LDLRAD4: variants seen among roughly 807,000 people sequenced by gnomAD.
The protein encoded by LDLRAD4 is low density lipoprotein receptor class A domain containing 4.
In LDLRAD4, 5 loss-of-function variants were observed where a neutral mutation model predicts 17.0. That is an observed-to-expected ratio of 0.29 (90% CI 0.15 to 0.62). The LOEUF (loss-of-function observed/expected upper bound fraction) is 0.62, where lower values mean the gene tolerates loss of function less well. LDLRAD4 is among the 20% of genes least tolerant of loss of function. The pLI is 0.84. For synonymous variants in LDLRAD4, 168 were observed against 171.8 expected, an observed-to-expected ratio of 0.98 and a Z score of 0.17; for missense variants, 340 against 424.7, an observed-to-expected ratio of 0.80 and a Z score of 1.75.
intron 3 of LDLRAD4, among the ~76,000 whole-genome samples, chr18:13,560,699 C>T (rs893512539): frequency 3.3e-5 from 5 of 152,226 alleles, no homozygotes; most frequent in African/African-American, 1.2e-4. Context: ...AAAGGATCTG[C>T]TGAGCTCAAG....
At chr18:13,457,415 T>C (rs1271587880) in intron 3 of LDLRAD4, among the ~76,000 whole-genome samples, 1 of 152,190 alleles carries the variant, frequency 6.6e-6, no homozygotes, top group Non-Finnish European at 1.5e-5. Context: ...CCCTGAACCC[T>C]GTCCTCTTGG....
At chr18:13,382,749 T>A (rs531132512) in intron 1 of LDLRAD4, 1 of 152,290 alleles carries the variant, frequency 6.6e-6, no homozygotes, top group Non-Finnish European at 1.5e-5. Context: ...CTTCCTGTAT[T>A]CCCCCCTCTC....
At chr18:13,368,979 C>T (rs1361835626) in intron 1 of LDLRAD4, among the ~76,000 whole-genome samples, 1 of 152,214 alleles carries the variant, frequency 6.6e-6, no homozygotes, top group Non-Finnish European at 1.5e-5. Context: ...GCTGGGATTA[C>T]AGGTGTGAGC....
chr18:13,482,728 C>T (rs1047694774), intron 3 of LDLRAD4, among the ~76,000 whole-genome samples: 1 of 152,152 alleles, frequency 6.6e-6, no homozygotes, highest in Non-Finnish European at 1.5e-5. Flanking sequence ...CCTATGGGCC[C>T]TGGGGGAGGT....
rs201435803 is a variant in LDLRAD4, at chr18:13,359,157, G to GA, written c.-382-28184_-382-28183insA. Among the ~76,000 whole-genome samples, 823 of 152,288 alleles carry GA rather than the reference G, an allele frequency of 5.4e-3. 7 individuals carry two copies. The highest frequency in any genetic ancestry group is 0.019 in the African/African-American group (786 of 41,556). ...CAACCTGTGCTCAGCCTCAGGCTTTGTGCACAAGGACAGGCATTGACACAC... is the reference window on the plus strand; with the variant it reads ...CAACCTGTGCTCAGCCTCAGGCTTTGATGCACAAGGACAGGCATTGACACAC... On this transcript the variant is annotated intron_variant, in intron 1 of 5. Transcript: ENST00000359446.
At chr18:13,376,389 G>A (rs118077044) in intron 1 of LDLRAD4, among the ~76,000 whole-genome samples, 1 of 152,188 alleles carries the variant, frequency 6.6e-6, no homozygotes, top group Non-Finnish European at 1.5e-5. Flanking sequence ...AGGCCTCTCA[G>A]AGCCTGTGCA....
chr18:13,435,685 T>A (rs2090607827), intron 2 of LDLRAD4, among the ~76,000 whole-genome samples: 1 of 152,232 alleles, frequency 6.6e-6, no homozygotes, highest in Non-Finnish European at 1.5e-5. Flanking sequence ...TGGACTCAAA[T>A]GATCCTCCTG....
In LDLRAD4 at chr18:13,609,526, TGTGC is replaced by T. The variant is rs1455755866; in HGVS notation, c.182-11587_182-11584del. ...CAGGAGCGCTCATTATGCGTGTGTGTGTGCGTGTGTGTGTGTGTGTGTGTGTGTG... is the reference window on the plus strand; with the variant it reads ...CAGGAGCGCTCATTATGCGTGTGTGTGTGTGTGTGTGTGTGTGTGTGTGTG... On this transcript the variant is annotated intron_variant, in intron 3 of 5. Coordinates refer to ENST00000359446, the Ensembl canonical transcript of LDLRAD4. Among the ~76,000 whole-genome samples, 198 of 70,388 alleles carry T rather than the reference TGTGC, an allele frequency of 2.8e-3. 2 individuals carry two copies. The East Asian group carries it at 0.033, about 12-fold the overall frequency. 46.2% of individuals were successfully genotyped at this position (70,388 alleles called of 152,430 possible).
intron 1 of LDLRAD4, among the ~76,000 whole-genome samples, chr18:13,236,843 C>T (rs2042364045): frequency 6.6e-6 from 1 of 152,144 alleles, no homozygotes; most frequent in Non-Finnish European, 1.5e-5. Flanking sequence ...CGTTTTAATT[C>T]CCCTTTGCTT....
At chr18:13,596,523 A>G (rs1257548413) in intron 3 of LDLRAD4, among the ~76,000 whole-genome samples, 2 of 152,170 alleles carry the variant, frequency 1.3e-5, no homozygotes, top group African/African-American at 4.8e-5. Context: ...TAAGATTTCC[A>G]CTAAATTCTA....
At chr18:13,393,541 C>T (rs543564456) in intron 2 of LDLRAD4, among the ~76,000 whole-genome samples, 5 of 152,160 alleles carry the variant, frequency 3.3e-5, no homozygotes, top group African/African-American at 7.2e-5. Context: ...CAGTGGTCCC[C>T]GGCGGGCTGC....
chr18:13,448,319 A>T lies in LDLRAD4; in HGVS notation c.181+9935A>T, dbSNP rs563419301. Among the ~76,000 whole-genome samples the T allele has an allele frequency of 2.0e-5, 3 of 152,294 alleles. No homozygotes were observed. The East Asian group carries it at 5.8e-4, about 29-fold the overall frequency. On this transcript the variant is annotated intron_variant, in intron 3 of 5. Coordinates refer to ENST00000359446, the Ensembl canonical transcript of LDLRAD4. ...TGGAAACCGTTGGTCTTGACTGTTC[A>T]TTTAGCCTCTTAATTTGCAAGGGTT...
At chr18:13,463,264 G>A (rs2092499130) in intron 3 of LDLRAD4, among the ~76,000 whole-genome samples, 1 of 152,174 alleles carries the variant, frequency 6.6e-6, no homozygotes, top group Non-Finnish European at 1.5e-5. Flanking sequence ...CTGTCCCCCA[G>A]TTCTCCTTTT....
chr18:13,269,976 G>A (rs183254088), intron 1 of LDLRAD4, among the ~76,000 whole-genome samples: 1 of 152,284 alleles, frequency 6.6e-6, no homozygotes, highest in East Asian at 1.9e-4. Flanking sequence ...ATTTGTAGAG[G>A]AGTCAAGGCA....
chr18:13,304,302 C>T (rs1234782251), intron 1 of LDLRAD4, among the ~76,000 whole-genome samples: 1 of 152,112 alleles, frequency 6.6e-6, no homozygotes, highest in Non-Finnish European at 1.5e-5. Flanking sequence ...GTGTGGGCAG[C>T]GTGGGGAAGG....
chr18:13,469,978 A>G (rs1174041965), intron 3 of LDLRAD4, among the ~76,000 whole-genome samples: 1 of 152,250 alleles, frequency 6.6e-6, no homozygotes, highest in African/African-American at 2.4e-5. Flanking sequence ...TTTGTTATAT[A>G]TATTTTACTA....
chr18:13,226,376 A>C (rs1351087545), intron 1 of LDLRAD4, among the ~76,000 whole-genome samples: 1 of 151,800 alleles, frequency 6.6e-6, no homozygotes, highest in Admixed American at 6.6e-5. Flanking sequence ...ATTGGGGGCT[A>C]TAAGACTTTT....
chr18:13,511,719 G>A (rs2847113), intron 3 of LDLRAD4, among the ~76,000 whole-genome samples: 99,385 of 151,570 alleles, frequency 0.66, 33,896 homozygotes, highest in East Asian at 0.95. Flanking sequence ...AGGAAAGGCG[G>A]GGACATGGGT....
intron 2 of LDLRAD4, among the ~76,000 whole-genome samples, chr18:13,426,688 A>T (rs906276860): frequency 6.6e-6 from 1 of 152,236 alleles, no homozygotes; most frequent in East Asian, 1.9e-4. Context: ...CCAAGTCTCC[A>T]TCTGGGAAGG....
Sources: gnomAD v4.1 joint callset for allele counts (sites outside exome capture counted in the v4.1 genomes callset) on GRCh38, gnomAD v4.1.1 for gene constraint, MANE v1.5 for transcripts, NCBI Gene and HGNC (gene_info 2026-07-23, HGNC 2026-07-21) for gene names.